The following NALCN variants were observed in gnomAD, a reference collection of about 807,000 sequenced individuals.
The protein encoded by NALCN is sodium leak channel NALCN.
In NALCN, 111 loss-of-function variants were observed where a neutral mutation model predicts 225.3. The ratio of observed to expected loss-of-function variants is 0.49; its 90% confidence interval spans 0.42 to 0.58. NALCN has a LOEUF of 0.58. NALCN is among the 20% of genes least tolerant of loss of function. NALCN has a pLI of 0.00. For missense variants in NALCN, 1,378 were observed against 2,202.4 expected (o/e 0.63, Z 7.49); for synonymous variants, 764 against 769.0 (o/e 0.99, Z 0.11).
intron 11 of NALCN, among the ~76,000 whole-genome samples, chr13:101,255,035 G>C (rs1318216237): frequency 6.6e-6 from 1 of 151,746 alleles, no homozygotes; most frequent in Non-Finnish European, 1.5e-5. Context: ...ACCTCTCAAA[G>C]TTTCCTCCCA....
intron 6 of NALCN, among the ~76,000 whole-genome samples, chr13:101,371,322 C>A (rs1222755078): frequency 6.6e-6 from 1 of 151,664 alleles, no homozygotes; most frequent in African/African-American, 2.4e-5. Context: ...TTCTTTCTTT[C>A]ATTTTTACTT....
intron 11 of NALCN, among the ~76,000 whole-genome samples, chr13:101,245,884 T>C (rs60016665): frequency 0.17 from 26,238 of 152,100 alleles, 2,442 homozygotes; most frequent in East Asian, 0.37. Context: ...TGCCTAGGAA[T>C]GTAACTTCGT....
intron 3 of NALCN, among the ~76,000 whole-genome samples, chr13:101,390,668 G>GA (rs113685766): frequency 1.5e-4 from 22 of 149,644 alleles, no homozygotes; most frequent in South Asian, 8.5e-4. Flanking sequence ...CACTTCGAGG[G>GA]AAAAAAAAAC....
chr13:101,102,492 G>A (rs2034877057), intron 26 of NALCN, among the ~76,000 whole-genome samples: 1 of 151,972 alleles, frequency 6.6e-6, no homozygotes, highest in Non-Finnish European at 1.5e-5. Context: ...AAAAACTTTT[G>A]ATCACTGTTT....
chr13:101,184,616 A>G (rs2039373504), intron 14 of NALCN, among the ~76,000 whole-genome samples: 1 of 152,180 alleles, frequency 6.6e-6, no homozygotes, highest in South Asian at 2.1e-4. Context: ...ATTTCTTCCA[A>G]TTTTGTTGTG....
chr13:101,214,056 A>G (rs1361651212), intron 13 of NALCN, among the ~76,000 whole-genome samples: 5 of 152,212 alleles, frequency 3.3e-5, no homozygotes, highest in Non-Finnish European at 7.3e-5. Context: ...GTGTCCAACA[A>G]TGATAGACTG....
chr13:101,100,094 G>A (rs1298740872), intron 27 of NALCN, among the ~76,000 whole-genome samples: 1 of 152,114 alleles, frequency 6.6e-6, no homozygotes, highest in African/African-American at 2.4e-5. Flanking sequence ...GGTCCTTGTT[G>A]GTTGTCATAA....
chr13:101,377,329 A>G (rs1172284842), intron 4 of NALCN, among the ~76,000 whole-genome samples: 4 of 152,220 alleles, frequency 2.6e-5, no homozygotes, highest in Non-Finnish European at 5.9e-5. Flanking sequence ...AGAAGTGCCA[A>G]CTTAGAATAT....
At chr13:101,310,812 T>C (rs999860384) in intron 7 of NALCN, among the ~76,000 whole-genome samples, 2 of 152,068 alleles carry the variant, frequency 1.3e-5, no homozygotes, top group Admixed American at 1.3e-4. Flanking sequence ...AGGAAACTGA[T>C]AGAAAAATAG....
At chr13:101,326,070 A>G (rs2139213372) in intron 7 of NALCN, among the ~76,000 whole-genome samples, 2 of 152,258 alleles carry the variant, frequency 1.3e-5, no homozygotes, top group South Asian at 4.1e-4. Context: ...TAAACAGCAA[A>G]CCTGTTTGAC....
intron 15 of NALCN, among the ~76,000 whole-genome samples, chr13:101,154,555 T>C (rs1413342306): frequency 2.6e-5 from 4 of 152,210 alleles, no homozygotes; most frequent in East Asian, 1.9e-4. Context: ...GTTTGCACTA[T>C]AACTTTCTAA....
intron 7 of NALCN, among the ~76,000 whole-genome samples, chr13:101,300,917 T>C (rs2043942599): frequency 6.6e-6 from 1 of 152,238 alleles, no homozygotes; most frequent in Non-Finnish European, 1.5e-5. Context: ...GGTTTCTTTG[T>C]TTGTTTTTTA....
chr13:101,121,092 A>C (rs751891778), intron 18 of NALCN, among the ~76,000 whole-genome samples: 1 of 152,152 alleles, frequency 6.6e-6, no homozygotes, highest in Non-Finnish European at 1.5e-5. Context: ...TTTAAGGTAG[A>C]TAAGAAAACT....
At chr13:101,387,241 A>C (rs1178771402) in intron 3 of NALCN, among the ~76,000 whole-genome samples, 3 of 149,510 alleles carry the variant, frequency 2.0e-5, no homozygotes, top group African/African-American at 7.4e-5. Flanking sequence ...AAAAAAAAAA[A>C]AAAAAAAAAA....
intron 10 of NALCN, among the ~76,000 whole-genome samples, chr13:101,272,545 C>T (rs2042831539): frequency 6.6e-6 from 1 of 152,152 alleles, no homozygotes; most frequent in Admixed American, 6.5e-5. Context: ...TGAGGAAGCA[C>T]TGACCTGATT....
chr13:101,098,472 G>A (rs2034633165), intron 27 of NALCN, among the ~76,000 whole-genome samples: 1 of 152,092 alleles, frequency 6.6e-6, no homozygotes, highest in Admixed American at 6.5e-5. Flanking sequence ...GGGTTTTGGT[G>A]ACAAAGTCCT....
chr13:101,413,875 G>T (rs1239680480), intron 1 of NALCN, among the ~76,000 whole-genome samples: 9 of 151,994 alleles, frequency 5.9e-5, no homozygotes, highest in Admixed American at 3.3e-4. Flanking sequence ...TTTTGGGACA[G>T]GGGCATTCTT....
chr13:101,314,231 C>G (rs1402140157), intron 7 of NALCN, among the ~76,000 whole-genome samples: 1 of 151,666 alleles, frequency 6.6e-6, no homozygotes, highest in East Asian at 1.9e-4. Context: ...TTAATGGGTG[C>G]AGCACACTAA....
At chr13:101,123,179 T>C (rs747840492) in intron 18 of NALCN, among the ~76,000 whole-genome samples, 1 of 152,232 alleles carries the variant, frequency 6.6e-6, no homozygotes, top group Non-Finnish European at 1.5e-5. Context: ...GGAAAGTCTC[T>C]GGGAACCCAT....
Sources: gnomAD v4.1 joint callset for allele counts (sites outside exome capture counted in the v4.1 genomes callset) on GRCh38, gnomAD v4.1.1 for gene constraint, MANE v1.5 for transcripts, NCBI Gene and HGNC (gene_info 2026-07-23, HGNC 2026-07-21) for gene names.